The following TRAPPC8 variants were observed in gnomAD, a reference collection of about 807,000 sequenced individuals.
The protein encoded by TRAPPC8 is trafficking protein particle complex subunit 8.
In TRAPPC8, 54 loss-of-function variants were observed where a neutral mutation model predicts 174.3. That is an observed-to-expected ratio of 0.31 (90% confidence interval 0.25 to 0.39). The LOEUF (loss-of-function observed/expected upper bound fraction) is 0.39, where lower values mean the gene tolerates loss of function less well. Among genes scored for constraint, TRAPPC8 ranks in the 10% least tolerant of loss-of-function variants. The probability of loss-of-function intolerance (pLI) is 1.00; values close to 1 mark genes in which losing one functional copy is unlikely to be tolerated. For synonymous variants in TRAPPC8, 630 were observed against 579.9 expected (o/e 1.09, Z -1.24); for missense variants, 1,531 against 1,699.1 (o/e 0.90, Z 1.74).
chr18:31,911,756 CAAAAAAAAAAAA>C (rs71177805), intron 5 of TRAPPC8, among the ~76,000 whole-genome samples: 7 of 62,954 alleles, frequency 1.1e-4, no homozygotes, highest in Admixed American at 2.4e-4. Flanking sequence ...GACTCCGTCT[CAAAAAAAAAAAA>C]AAAAAAAAAA....
chr18:31,917,142 C>G (rs1348350736), intron 3 of TRAPPC8, among the ~76,000 whole-genome samples: 1 of 140,116 alleles, frequency 7.1e-6, no homozygotes, highest in Non-Finnish European at 1.7e-5. Context: ...ATTAAGAAAA[C>G]TAAGCCACAA....
intron 12 of TRAPPC8, among the ~76,000 whole-genome samples, chr18:31,875,602 T>C (rs568494172): frequency 6.6e-6 from 1 of 152,310 alleles, no homozygotes; most frequent in East Asian, 1.9e-4. Context: ...CAAGGTGCTG[T>C]TGGCAAGTGT....
At chr18:31,891,302 T>C (rs1317671529) in intron 11 of TRAPPC8, 1 of 152,356 alleles carries the variant, frequency 6.6e-6, no homozygotes, top group African/African-American at 2.4e-5. Context: ...AACATGTACA[T>C]AGATTATGAA....
chr18:31,836,922 C>T (rs1402869530), intron 27 of TRAPPC8, among the ~76,000 whole-genome samples: 17 of 152,004 alleles, frequency 1.1e-4, no homozygotes, highest in African/African-American at 2.7e-4. Flanking sequence ...CCACCACACC[C>T]GGCTAATTTT....
At chr18:31,941,587 G>T (rs960759611) in intron 1 of TRAPPC8, among the ~76,000 whole-genome samples, 19 of 152,028 alleles carry the variant, frequency 1.2e-4, no homozygotes, top group Non-Finnish European at 2.6e-4. Context: ...TGTTTTTTTG[G>T]ACAGCTCCCT....
chr18:31,907,462 A>G lies in TRAPPC8; in HGVS notation c.1387T>C (p.Leu463=), dbSNP rs779828442. 1.3e-6 allele frequency: 2 copies of G among 1,589,156 alleles called. No homozygotes were observed. The highest frequency in any genetic ancestry group is 2.2e-5 in the East Asian group (1 of 44,470). The change falls in exon 9 of 29, where the codon TTG becomes CTG. Residue 463 remains leucine (L), a splice_region_variant and synonymous_variant. Coordinates refer to ENST00000283351, the MANE Select transcript of TRAPPC8 (RefSeq NM_014939.5). ...TTATAATACCATAGAATACCAACCA[A>G]GGCACCAGCTGCATAAAGCATTGCT... The part of the protein sequence containing the change: ...DQAMLYAAGA[L]EMAAVSAFLQ...
chr18:31,895,979 G>A (rs1349255854), intron 11 of TRAPPC8: 2 of 152,212 alleles, frequency 1.3e-5, no homozygotes, highest in African/African-American at 4.8e-5. Flanking sequence ...TCTAATCCAT[G>A]TGCCAAGGCC....
intron 14 of TRAPPC8, among the ~76,000 whole-genome samples, chr18:31,872,253 T>C (rs2034905185): frequency 6.6e-6 from 1 of 152,192 alleles, no homozygotes; most frequent in South Asian, 2.1e-4. Context: ...GAGCTTAATA[T>C]ATTTATACTT....
chr18:31,864,844 T>C lies in TRAPPC8; in HGVS notation c.2591-63A>G, dbSNP rs549703412. The C allele has an allele frequency of 5.6e-5, 78 of 1,382,752 alleles. 1 individual carries two copies. The East Asian group carries it at 1.8e-3, about 32-fold the overall frequency. 85.7% of individuals were successfully genotyped at this position (1,382,752 alleles called of 1,614,324 possible). A position where few individuals can be genotyped will look rare whatever the true frequency, so the allele number is the denominator to read the frequency against. On this transcript the variant is annotated intron_variant, in intron 18 of 28. Coordinates refer to ENST00000283351, the MANE Select transcript of TRAPPC8 (RefSeq NM_014939.5). ...GTATGTTAACTGACATCAATTTAAC[T>C]TGAATATGTGAATATTGTAAGTTTC...
Position 31,912,397 on chromosome 18 carries a change from A to G in TRAPPC8, c.771+972T>C, listed in dbSNP as rs550643411. Among the ~76,000 whole-genome samples, 3 of 152,190 alleles carry G rather than the reference A, an allele frequency of 2.0e-5. 1 individual carries two copies. The East Asian group carries it at 5.8e-4, about 30-fold the overall frequency. Reference sequence around the variant, plus strand: ...TCCCACCTACTTGGGAGGCTGAGAGAGGAGAACTGCTTGAACATGGGAAGT... The same window carrying G: ...TCCCACCTACTTGGGAGGCTGAGAGGGGAGAACTGCTTGAACATGGGAAGT... On this transcript the variant is annotated intron_variant, in intron 5 of 28. Coordinates refer to ENST00000283351, the MANE Select transcript of TRAPPC8 (RefSeq NM_014939.5).
rs555853963 is a variant in TRAPPC8 at position 31,852,412 on chromosome 18, T to C, written c.3561+34A>G. ...TACCCAGATATGCTATAACTATGAC[T>C]TAACATCAAACACTACTATGCTTAC... is the stretch of plus-strand genomic sequence containing the variant. On this transcript the variant is annotated intron_variant, in intron 24 of 28. Transcript: ENST00000283351. The C allele has an allele frequency of 1.8e-5, 29 of 1,611,266 alleles. No homozygotes were observed. The East Asian group carries it at 3.1e-4, about 17-fold the overall frequency.
At chr18:31,867,579 CTGCA>C in intron 16 of TRAPPC8, 103 bp from the exon 17 acceptor site, 1 of 811,514 alleles carries the variant, frequency 1.2e-6, no homozygotes, top group Non-Finnish European at 2.0e-6. Context: ...TAATTAAAGT[CTGCA>C]TTTACTTGGT....
chr18:31,904,985 A>G (rs572988441), intron 9 of TRAPPC8, among the ~76,000 whole-genome samples: 1 of 151,958 alleles, frequency 6.6e-6, no homozygotes, highest in African/African-American at 2.4e-5. Context: ...AGCTGAGATC[A>G]AGCCACTGCA....
At chr18:31,940,883 T>C (rs1163796472) in intron 1 of TRAPPC8, among the ~76,000 whole-genome samples, 2 of 152,230 alleles carry the variant, frequency 1.3e-5, no homozygotes, top group Admixed American at 1.3e-4. Context: ...TTCTAAATAC[T>C]GTCAGGAGAT....
At chr18:31,942,564 A>C in intron 1 of TRAPPC8, 44 bp downstream of exon 1, 1 of 1,485,936 alleles carries the variant, frequency 6.7e-7, no homozygotes, top group South Asian at 1.3e-5. Context: ...TCTCCCGACC[A>C]CGGCTTTGCG....
At chr18:31,940,554 T>G (rs146122893) in intron 1 of TRAPPC8, among the ~76,000 whole-genome samples, 2,395 of 125,454 alleles carry the variant, frequency 0.019, 59 homozygotes, top group African/African-American at 0.065. Flanking sequence ...TTGTTGTTTG[T>G]TTGGTTGGTT....
At chr18:31,915,454 C>T (rs1259443645) in intron 4 of TRAPPC8, among the ~76,000 whole-genome samples, 1 of 138,534 alleles carries the variant, frequency 7.2e-6, no homozygotes, top group African/African-American at 2.8e-5. Context: ...CAAAGTGAAA[C>T]CCCATCAAAA....
chr18:31,915,711 C>T (rs969663322), intron 4 of TRAPPC8, among the ~76,000 whole-genome samples: 77 of 146,022 alleles, frequency 5.3e-4, no homozygotes, highest in Non-Finnish European at 9.2e-4. Context: ...GGTGAAACCC[C>T]GTCTCTACTA....
intron 2 of TRAPPC8, among the ~76,000 whole-genome samples, chr18:31,923,928 C>A (rs942085371): frequency 2.6e-5 from 4 of 152,116 alleles, no homozygotes; most frequent in African/African-American, 9.7e-5. Context: ...AGGAGGATCA[C>A]CTGAGGTCAG....
Sources: allele counts gnomAD v4.1 joint callset (sites outside exome capture counted in the v4.1 genomes callset), GRCh38; gene constraint gnomAD v4.1.1; transcripts MANE v1.5; gene names NCBI Gene and HGNC (gene_info 2026-07-23, HGNC 2026-07-21).